The following FGGY variants were observed in gnomAD, a reference collection of about 807,000 sequenced individuals.
FGGY encodes the protein FGGY carbohydrate kinase domain-containing protein.
FGGY carries 72 observed loss-of-function variants against 71.3 expected under a neutral mutation model. The observed-to-expected ratio is 1.01, with a 90% CI of 0.84 to 1.23. FGGY has a LOEUF of 1.23. FGGY is among the 50% of genes most tolerant of loss of function. The pLI, the probability that FGGY is intolerant of heterozygous loss-of-function variation, is 0.00. For synonymous variants in FGGY, 251 were observed against 250.3 expected (o/e 1.00, Z -0.02); for missense variants, 668 against 682.3 (o/e 0.98, Z 0.23).
At chr1:59,617,135 G>T (rs931587707) in intron 9 of FGGY, among the ~76,000 whole-genome samples, 1 of 152,030 alleles carries the variant, frequency 6.6e-6, no homozygotes, top group Admixed American at 6.6e-5. Flanking sequence ...ACATCTGAAG[G>T]TGTCTGCTCC....
chr1:59,303,048 C>T (rs12408091), intron 1 of FGGY, among the ~76,000 whole-genome samples: 28,912 of 152,056 alleles, frequency 0.19, 3,371 homozygotes, highest in East Asian at 0.4. Flanking sequence ...AGGTGTGCAA[C>T]GCAATTTGAT....
intron 11 of FGGY, among the ~76,000 whole-genome samples, chr1:59,644,260 G>C (rs1328018325): frequency 6.6e-6 from 1 of 152,154 alleles, no homozygotes; most frequent in Admixed American, 6.5e-5. Flanking sequence ...GTAGGAACAG[G>C]ACATAACCCA....
intron 5 of FGGY, among the ~76,000 whole-genome samples, chr1:59,424,101 C>T (rs2065913460): frequency 1.3e-5 from 2 of 152,152 alleles, no homozygotes; most frequent in South Asian, 4.1e-4. Context: ...CATGATAGGC[C>T]GAGATCTGAA....
chr1:59,339,941 A>G lies in FGGY; in HGVS notation c.202-17A>G. 2.0e-6 allele frequency: 3 copies of G among 1,522,004 alleles called. No individual in the cohort carries two copies. The highest frequency in any genetic ancestry group is 1.4e-5 in the African/African-American group (1 of 72,976). 94.3% of individuals were successfully genotyped at this position (1,522,004 alleles called of 1,614,324 possible). ...CCCTGGTGTTGTAATTTATGTTTTTATTTGTTTTTAAAACAGAAAGTTGTA... is the reference window on the plus strand; with the variant it reads ...CCCTGGTGTTGTAATTTATGTTTTTGTTTGTTTTTAAAACAGAAAGTTGTA... On this transcript the variant is annotated splice_polypyrimidine_tract_variant and intron_variant, in intron 2 of 15. Transcript: ENST00000303721.
intron 4 of FGGY, among the ~76,000 whole-genome samples, chr1:59,362,689 C>A (rs2055805180): frequency 6.6e-6 from 1 of 152,206 alleles, no homozygotes; most frequent in Non-Finnish European, 1.5e-5. Context: ...CCCTTACTTA[C>A]CTCCTTCCCA....
At position 59,307,043 on chromosome 1, in the gene FGGY, G is replaced by A. The variant is rs141999935; in HGVS notation, c.-15+9893G>A. Among the ~76,000 whole-genome samples the A allele has an allele frequency of 7.9e-5, 12 of 152,200 alleles. No individual in the cohort carries two copies. In the East Asian group the frequency reaches 1.5e-3, roughly 20 times the overall value. On this transcript the variant is annotated intron_variant, in intron 1 of 15. Transcript: ENST00000303721. ...TAAAATGAAGAATGAGGCCAAGCAC[G>A]GTGGCTCATGTCTGTAATCTCAGAA...
intron 4 of FGGY, among the ~76,000 whole-genome samples, chr1:59,377,519 C>G (rs929561636): frequency 2.0e-5 from 3 of 152,140 alleles, no homozygotes; most frequent in African/African-American, 4.8e-5. Context: ...TCCCATGATT[C>G]AATTACCTCC....
chr1:59,651,142 A>T (rs1572655640), intron 11 of FGGY, among the ~76,000 whole-genome samples: 3 of 151,248 alleles, frequency 2.0e-5, no homozygotes, highest in East Asian at 3.9e-4. Flanking sequence ...CTGTTCTTTT[A>T]CATTTGCTGA....
At chr1:59,415,603 T>G (rs1023945756) in intron 5 of FGGY, among the ~76,000 whole-genome samples, 2 of 152,184 alleles carry the variant, frequency 1.3e-5, no homozygotes, top group African/African-American at 4.8e-5. Flanking sequence ...CAGGAAGCCT[T>G]TGGCCCTTCA....
chr1:59,631,327 C>T (rs1407675908), intron 10 of FGGY, among the ~76,000 whole-genome samples: 1 of 152,180 alleles, frequency 6.6e-6, no homozygotes, highest in African/African-American at 2.4e-5. Flanking sequence ...GACTTCATTT[C>T]TGTCTATATT....
At chr1:59,349,695 A>G (rs1050411442) in intron 4 of FGGY, among the ~76,000 whole-genome samples, 1 of 152,224 alleles carries the variant, frequency 6.6e-6, no homozygotes, top group Non-Finnish European at 1.5e-5. Flanking sequence ...AAGCATGTAC[A>G]GGAATTCTTG....
chr1:59,522,787 T>C (rs149390375), intron 7 of FGGY, among the ~76,000 whole-genome samples: 1 of 152,330 alleles, frequency 6.6e-6, no homozygotes, highest in East Asian at 1.9e-4. Flanking sequence ...CCAGGAAGAC[T>C]GGATCCAAGA....
chr1:59,340,876 T>C (rs835391), intron 3 of FGGY, among the ~76,000 whole-genome samples: 64,880 of 152,056 alleles, frequency 0.43, 14,703 homozygotes, highest in African/African-American at 0.58. Context: ...AATGAGCAGA[T>C]GACATTAGGG....
At position 59,305,084 on chromosome 1, in the gene FGGY, T is replaced by G. The variant is rs540218074; in HGVS notation, c.-15+7934T>G. Among the ~76,000 whole-genome samples the G allele has an allele frequency of 2.6e-5, 4 of 152,318 alleles. No individual in the cohort carries two copies. In the South Asian group the frequency reaches 6.2e-4, roughly 24 times the overall value. On this transcript the variant is annotated intron_variant, in intron 1 of 15. Transcript: ENST00000303721. ...TTTTGTAATTGCTCTAGCTAGGACTTCCAATACTGTGCTGAATAGTAGTGG... is the reference window on the plus strand; with the variant it reads ...TTTTGTAATTGCTCTAGCTAGGACTGCCAATACTGTGCTGAATAGTAGTGG...
At chr1:59,408,321 A>G (rs1287894299) in intron 5 of FGGY, among the ~76,000 whole-genome samples, 2 of 152,200 alleles carry the variant, frequency 1.3e-5, no homozygotes, top group African/African-American at 4.8e-5. Flanking sequence ...CTAGAATAAA[A>G]TATGCTATTA....
intron 4 of FGGY, among the ~76,000 whole-genome samples, chr1:59,375,082 C>T (rs1373776988): frequency 6.8e-6 from 1 of 146,264 alleles, no homozygotes; most frequent in Admixed American, 6.8e-5. Flanking sequence ...AAAAAAAAAT[C>T]CACCTAGTTT....
chr1:59,723,565 G>GT (rs1024477220), intron 14 of FGGY, among the ~76,000 whole-genome samples: 17 of 146,972 alleles, frequency 1.2e-4, no homozygotes, highest in African/African-American at 3.3e-4. Context: ...TTTTTTTTTG[G>GT]GGGGGGGTGG....
chr1:59,746,243 G>A (rs1467997419), intron 14 of FGGY, among the ~76,000 whole-genome samples: 1 of 152,150 alleles, frequency 6.6e-6, no homozygotes, highest in African/African-American at 2.4e-5. Context: ...AAACCTCAGA[G>A]GAACAGGCTT....
intron 4 of FGGY, among the ~76,000 whole-genome samples, chr1:59,357,863 C>T (rs1323177638): frequency 4.6e-5 from 7 of 152,188 alleles, no homozygotes; most frequent in Non-Finnish European, 5.9e-5. Flanking sequence ...GTCTTCCTGA[C>T]GGCTGTGCAG....
Sources: gnomAD v4.1 joint callset for allele counts (sites outside exome capture counted in the v4.1 genomes callset) on GRCh38, gnomAD v4.1.1 for gene constraint, MANE v1.5 for transcripts, NCBI Gene and HGNC (gene_info 2026-07-23, HGNC 2026-07-21) for gene names.